ALDH4A1: variants seen among roughly 807,000 people sequenced by gnomAD.
ALDH4A1 encodes delta-1-pyrroline-5-carboxylate dehydrogenase, mitochondrial.
ALDH4A1 carries 46 observed loss-of-function variants against 70.5 expected under a neutral mutation model. The ratio of observed to expected loss-of-function variants is 0.65; its 90% CI spans 0.51 to 0.83. ALDH4A1 has a LOEUF of 0.83. Ranked by LOEUF, ALDH4A1 falls within the 40% of genes least tolerant of loss-of-function variation. ALDH4A1 has a pLI of 0.00. For missense variants in ALDH4A1, 749 were observed against 766.5 expected, an observed-to-expected ratio of 0.98 and a Z score of 0.27; for synonymous variants, 323 against 324.3, an observed-to-expected ratio of 1.00 and a Z score of 0.04.
chr1:18,901,235 T>A (rs1336078759), intron 1 of ALDH4A1, among the ~76,000 whole-genome samples: 3 of 152,076 alleles, frequency 2.0e-5, no homozygotes, highest in Non-Finnish European at 4.4e-5. Context: ...CTCTGTCCCA[T>A]GTCCTCTTCC....
At position 18,889,306 on chromosome 1, in the gene ALDH4A1, GAA is replaced by G; in HGVS notation, c.249+54_249+55del. On this transcript the variant is annotated intron_variant, in intron 3 of 14. Coordinates refer to ENST00000375341, the MANE Select transcript of ALDH4A1 (RefSeq NM_003748.4). Reference sequence around the variant, plus strand: ...CATTATAAGCTTACGAGCTGTCAGAGAAAGAGGTCACATATTCAGGGGAGGGG... The same window carrying G: ...CATTATAAGCTTACGAGCTGTCAGAGAGAGGTCACATATTCAGGGGAGGGG... The G allele has an allele frequency of 2.0e-6, 3 of 1,465,526 alleles. No individual in the cohort carries two copies. The South Asian group carries it at 3.6e-5, about 18-fold the overall frequency. 90.8% of individuals were successfully genotyped at this position (1,465,526 alleles called of 1,614,324 possible).
intron 12 of ALDH4A1, 85 bp downstream of exon 12, chr1:18,876,230 G>A (rs1934673506): frequency 1.3e-6 from 2 of 1,543,692 alleles, no homozygotes; most frequent in Non-Finnish European, 8.9e-7. Flanking sequence ...TGTGAAATGG[G>A]AGAATGTCTC....
At position 18,872,707 on chromosome 1, in the gene ALDH4A1, G is replaced by A. The variant is rs1934490023; in HGVS notation, c.*138C>T. On this transcript the variant is annotated 3_prime_UTR_variant, in exon 15 of 15. Transcript: ENST00000375341. The stretch of plus-strand genomic sequence containing the variant: ...GGCATGGGAGAGGCCAGAATACAGT[G>A]GTAAGAAGGGAGTCAAGCCCGGATT... 1.4e-6 allele frequency: 1 copy of A among 691,798 alleles called. No homozygotes were observed. The highest frequency in any genetic ancestry group is 2.5e-6 in the Non-Finnish European group (1 of 394,288). The allele number at this position is 691,798 out of a possible 1,614,324, so 42.9% of individuals were successfully genotyped here.
At chr1:18,902,438 GC>G in intron 1 of ALDH4A1, 23 bp downstream of exon 1, 1 of 1,323,678 alleles carries the variant, frequency 7.6e-7, no homozygotes. Context: ...CGCTCGGGCC[GC>G]CCCGGGCCCC....
rs771961642 is a variant in ALDH4A1 at position 18,875,534 on chromosome 1, C to T, written c.1339-31G>A. 1.9e-6 allele frequency: 3 copies of T among 1,613,732 alleles called. No homozygotes were observed. The South Asian group carries it at 3.3e-5, about 18-fold the overall frequency. The stretch of plus-strand genomic sequence containing the variant: ...AGAGAGGCCCCGGCGTCAGACCCTC[C>T]ACGGGACCAGGGACCAGGGCCCTGA... On this transcript the variant is annotated intron_variant, in intron 12 of 14. Coordinates refer to ENST00000375341, the MANE Select transcript of ALDH4A1 (RefSeq NM_003748.4).
rs1934444788 is a variant in ALDH4A1, at chr1:18,871,694, T to C, written c.*1151A>G. The C allele has an allele frequency of 6.6e-6, 1 of 152,328 alleles. No homozygotes were observed. Among genetic ancestry groups the C allele is most frequent in the African/African-American group, 2.4e-5 (1 of 41,450 alleles). The allele number at this position is 152,328 out of a possible 1,614,324, so 9.4% of individuals were successfully genotyped here. On this transcript the variant is annotated 3_prime_UTR_variant, in exon 15 of 15. Transcript: ENST00000375341. The stretch of plus-strand genomic sequence containing the variant: ...CGGGTGGGGTCCCATGCAGGCATCC[T>C]GGAGGAAGACCCAACACTTTCACAG...
intron 3 of ALDH4A1, among the ~76,000 whole-genome samples, chr1:18,887,580 C>T (rs960495595): frequency 1.3e-5 from 2 of 152,008 alleles, no homozygotes; most frequent in East Asian, 3.9e-4. Flanking sequence ...GCCTGGGCGA[C>T]AGAGCGAGAC....
In ALDH4A1 at chr1:18,871,617, AC is replaced by A; in HGVS notation, c.*1227del. 1 of 152,306 alleles carries A rather than the reference AC, an allele frequency of 6.6e-6. No individual in the cohort carries two copies. The allele number at this position is 152,306 out of a possible 1,614,324, so 9.4% of individuals were successfully genotyped here. A position where few individuals can be genotyped will look rare whatever the true frequency, so the allele number is the denominator to read the frequency against. ...CACACCCAGCCCAGCTGGCACCAGC[AC>A]CCACCCCCATCCATGGGCCAGTGGC... On this transcript the variant is annotated 3_prime_UTR_variant, in exon 15 of 15. Transcript: ENST00000375341.
chr1:18,879,543 G>A lies in ALDH4A1; in HGVS notation c.867-170C>T, dbSNP rs192625558. ...CAAGACTACGGGGAGCGGGCAACGG[G>A]GGGCTAGGCAGCAAGATGCTGCAGA... On this transcript the variant is annotated intron_variant, in intron 8 of 14. Transcript: ENST00000375341. 1.1e-3 allele frequency among the ~76,000 whole-genome samples: 170 copies of A among 152,324 alleles called. 2 individuals carry two copies. In the East Asian group the frequency reaches 0.02, roughly 18 times the overall value.
intron 13 of ALDH4A1, 52 bp from the exon 14 acceptor site, chr1:18,874,633 C>T: frequency 6.3e-7 from 1 of 1,577,230 alleles, no homozygotes; most frequent in Non-Finnish European, 8.7e-7. Flanking sequence ...CCCCTCCAGC[C>T]CCAGCTCCAG....
Position 18,885,512 on chromosome 1 carries a change from C to A in ALDH4A1, c.414G>T (p.Pro138=). Residue 138 remains proline, a synonymous_variant, in exon 5 of 15, where the codon CCG becomes CCT. Coordinates refer to ENST00000375341, the MANE Select transcript of ALDH4A1 (RefSeq NM_003748.4). The part of the protein sequence containing the change: ...FLKAADMLSG[P]RRAEILAKTM... ...TCTTGGCGAGGATCTCAGCCCTGCG[C>A]GGCCCACTCAGCATGTCTGCCGCCT... The A allele has an allele frequency of 6.3e-7, 1 of 1,594,976 alleles. No individual in the cohort carries two copies. The highest frequency in any genetic ancestry group is 8.5e-7 in the Non-Finnish European group (1 of 1,170,774).
chr1:18,885,455 G>GC lies in ALDH4A1; in HGVS notation c.453+17_453+18insG. The GC allele has an allele frequency of 2.1e-5, 6 of 292,238 alleles. No individual in the cohort carries two copies. The highest frequency in any genetic ancestry group is 1.3e-4 in the South Asian group (3 of 23,246). 18.1% of individuals were successfully genotyped at this position (292,238 alleles called of 1,614,324 possible). A position where few individuals can be genotyped will look rare whatever the true frequency, so the allele number is the denominator to read the frequency against. On this transcript the variant is annotated intron_variant, in intron 5 of 14. Transcript: ENST00000375341. ...CACCCCACCCCGCCCCACCCACCCG[G>GC]GCCCACCAGCACCTCACCTGTCCCA...
chr1:18,872,760 G>T lies in ALDH4A1; in HGVS notation c.*85C>A. On this transcript the variant is annotated 3_prime_UTR_variant, in exon 15 of 15. Coordinates refer to ENST00000375341, the MANE Select transcript of ALDH4A1 (RefSeq NM_003748.4). The stretch of plus-strand genomic sequence containing the variant: ...AGAAAGGCAGCTGTGCATGAAGAAG[G>T]GGTGGAGGGGCTGGAGTGGGGTCTG... 3.1e-6 allele frequency: 3 copies of T among 970,054 alleles called. No individual in the cohort carries two copies. Among genetic ancestry groups the T allele is most frequent in the Middle Eastern group, 3.0e-4 (1 of 3,336 alleles). 60.1% of individuals were successfully genotyped at this position (970,054 alleles called of 1,614,324 possible).
intron 14 of ALDH4A1, among the ~76,000 whole-genome samples, chr1:18,874,040 G>A (rs182402762): frequency 1.1e-3 from 167 of 152,328 alleles, no homozygotes; most frequent in Middle Eastern, 0.01. Flanking sequence ...TCAAGAGCTG[G>A]AGAACTGGTC....
chr1:18,886,976 A>G (rs558543186), intron 3 of ALDH4A1, among the ~76,000 whole-genome samples: 2 of 152,244 alleles, frequency 1.3e-5, no homozygotes, highest in Non-Finnish European at 2.9e-5. Context: ...TCTTTGGTCC[A>G]GTATGAGGCT....
At position 18,879,311 on chromosome 1, in the gene ALDH4A1, C is replaced by T. The variant is rs751984391; in HGVS notation, c.929G>A (p.Arg310His). ...GAGGCAGGCCTTACCTCCAGCCAGG[C>T]GTGGGAAGGTGTGGAACCGGTCCAG... ...QNLDRFHTFP[R>H]LAGECGGKNF... The change falls in exon 9 of 15, where the codon CGC becomes CAC. Residue 310 changes from arginine to histidine, a missense_variant. By Grantham distance (29) the Arg-to-His change is conservative (BLOSUM62 0). Transcript: ENST00000375341. 8.1e-6 allele frequency: 13 copies of T among 1,609,272 alleles called. No homozygotes were observed. The highest frequency in any genetic ancestry group is 1.7e-4 in the Middle Eastern group (1 of 6,052).
chr1:18,892,402 C>T (rs1294951721), intron 1 of ALDH4A1, among the ~76,000 whole-genome samples: 1 of 152,106 alleles, frequency 6.6e-6, no homozygotes, highest in Non-Finnish European at 1.5e-5. Flanking sequence ...AGGAAATAAG[C>T]AAGGTAACCG....
chr1:18,894,568 G>A (rs1193992933), intron 1 of ALDH4A1, among the ~76,000 whole-genome samples: 5 of 152,118 alleles, frequency 3.3e-5, no homozygotes, highest in African/African-American at 9.7e-5. Flanking sequence ...ATGTAGTAGC[G>A]GCCAGTTCTC....
chr1:18,876,671 G>GTGTGTGTGTGTGTGTGTGTGTGTT (rs2100556878), intron 11 of ALDH4A1, among the ~76,000 whole-genome samples: 1 of 152,174 alleles, frequency 6.6e-6, no homozygotes, highest in East Asian at 1.9e-4. Context: ...CTGTGTGTGT[G>GTGTGTGTGTGTGTGTGTGTGTGTT]TGTGTGTGTA....
Sources: gnomAD v4.1 joint callset for allele counts (sites outside exome capture counted in the v4.1 genomes callset) on GRCh38, gnomAD v4.1.1 for gene constraint, MANE v1.5 for transcripts, NCBI Gene and HGNC (gene_info 2026-07-23, HGNC 2026-07-21) for gene names.